CDH4: variants seen among roughly 807,000 people sequenced by gnomAD.
The protein encoded by CDH4 is cadherin-4.
CDH4 carries 33 observed loss-of-function variants against 86.0 expected under a neutral mutation model. That is an observed-to-expected ratio of 0.38 (90% confidence interval 0.29 to 0.51). The LOEUF (loss-of-function observed/expected upper bound fraction) is 0.51, where lower values mean the gene tolerates loss of function less well. Ranked by LOEUF, CDH4 falls within the 20% of genes least tolerant of loss-of-function variation. The pLI is 0.86. For synonymous variants in CDH4, 555 were observed against 549.4 expected (o/e 1.01, Z -0.14); for missense variants, 1,114 against 1,307.4 (o/e 0.85, Z 2.28).
chr20:61,578,377 T>C (rs1030538003), intron 2 of CDH4, among the ~76,000 whole-genome samples: 2 of 152,226 alleles, frequency 1.3e-5, no homozygotes, highest in African/African-American at 4.8e-5. Flanking sequence ...TACCATAGCA[T>C]TCTGTGATTT....
intron 3 of CDH4, among the ~76,000 whole-genome samples, chr20:61,762,035 G>C (rs1256162956): frequency 6.6e-6 from 1 of 152,256 alleles, no homozygotes; most frequent in Non-Finnish European, 1.5e-5. Context: ...CCAGCCTCAA[G>C]GCCACCCCAG....
chr20:61,631,902 A>T (rs1229130255), intron 2 of CDH4, among the ~76,000 whole-genome samples: 1 of 152,246 alleles, frequency 6.6e-6, no homozygotes. Flanking sequence ...GCAGACCACA[A>T]GACGGCGCCT....
At chr20:61,655,428 T>C (rs1466678479) in intron 2 of CDH4, among the ~76,000 whole-genome samples, 1 of 151,816 alleles carries the variant, frequency 6.6e-6, no homozygotes, top group Admixed American at 6.6e-5. Context: ...TTGCGGAGAG[T>C]GACAAGGCAA....
At chr20:61,627,080 G>T (rs1401626324) in intron 2 of CDH4, among the ~76,000 whole-genome samples, 1 of 152,144 alleles carries the variant, frequency 6.6e-6, no homozygotes, top group Non-Finnish European at 1.5e-5. Flanking sequence ...AGGAGGGTGG[G>T]TGGGTGCTGA....
intron 2 of CDH4, among the ~76,000 whole-genome samples, chr20:61,403,828 A>G (rs2085063982): frequency 6.6e-6 from 1 of 152,194 alleles, no homozygotes; most frequent in African/African-American, 2.4e-5. Context: ...GGAAATCAAC[A>G]TCTTTAACAT....
intron 2 of CDH4, among the ~76,000 whole-genome samples, chr20:61,727,921 C>T (rs2088134964): frequency 6.6e-6 from 1 of 152,234 alleles, no homozygotes; most frequent in Admixed American, 6.5e-5. Context: ...ATGACCACAC[C>T]ATGGCATTGC....
At chr20:61,531,398 G>C (rs1045492055) in intron 2 of CDH4, among the ~76,000 whole-genome samples, 5 of 150,822 alleles carry the variant, frequency 3.3e-5, no homozygotes, top group Admixed American at 6.6e-5. Flanking sequence ...ACTTGAACCT[G>C]GGAGGCAGAG....
chr20:61,869,189 C>G (rs74419053), intron 6 of CDH4, among the ~76,000 whole-genome samples: 7,111 of 152,276 alleles, frequency 0.047, 576 homozygotes, highest in African/African-American at 0.16. Context: ...AAGTTGGCAA[C>G]CCTATATTGA....
chr20:61,692,263 G>A (rs1414437537), intron 2 of CDH4, among the ~76,000 whole-genome samples: 2 of 151,666 alleles, frequency 1.3e-5, no homozygotes, highest in East Asian at 3.9e-4. Context: ...GTGTGTGTCT[G>A]TATGTGTGTC....
In CDH4 at chr20:61,703,929, T is replaced by TGAGCTG. The variant is rs1313523472; in HGVS notation, c.170-39629_170-39624dup. On this transcript the variant is annotated intron_variant, in intron 2 of 15. Transcript: ENST00000614565. This position sits in a 1 kb window ranked among gnomAD's most constrained non-coding sequence, Gnocchi z 4.3. ...AATTTTTCCAATAAAATGAAAAGGT[T>TGAGCTG]GAGCTGGAGCAGAGGCAGGGGTGTG... 2.0e-5 allele frequency among the ~76,000 whole-genome samples: 3 copies of TGAGCTG among 152,282 alleles called. No individual in the cohort carries two copies. The East Asian group carries it at 5.8e-4, about 29-fold the overall frequency.
intron 2 of CDH4, among the ~76,000 whole-genome samples, chr20:61,465,448 C>T (rs773119355): frequency 1.2e-4 from 18 of 151,882 alleles, no homozygotes; most frequent in Non-Finnish European, 2.5e-4. Context: ...ATGTATTTAC[C>T]CGTGATAGTC....
At chr20:61,296,631 CT>C (rs2084356626) in intron 2 of CDH4, among the ~76,000 whole-genome samples, 1 of 152,070 alleles carries the variant, frequency 6.6e-6, no homozygotes, top group Non-Finnish European at 1.5e-5. Flanking sequence ...AGAATAGGTA[CT>C]TTTTTTCCAT....
chr20:61,711,085 A>G lies in CDH4; in HGVS notation c.170-32478A>G, dbSNP rs550191976. Among the ~76,000 whole-genome samples, 99 of 152,304 alleles carry G rather than the reference A, an allele frequency of 6.5e-4. No individual in the cohort carries two copies. In the Middle Eastern group the frequency reaches 0.02, roughly 31 times the overall value. On this transcript the variant is annotated intron_variant, in intron 2 of 15. Transcript: ENST00000614565. ...AGAGAGACCAGGTGGAGGTAATTGG[A>G]TCATAGGGGCAGTTCCCCCACTACT...
chr20:61,803,194 C>CCA (rs10622442), intron 4 of CDH4, among the ~76,000 whole-genome samples: 25,198 of 151,990 alleles, frequency 0.17, 2,291 homozygotes, highest in East Asian at 0.24. Context: ...TGTGGACGGG[C>CCA]TGAGGTCTTC....
Position 61,536,798 on chromosome 20 carries a change from G to A in CDH4, c.170-206765G>A, listed in dbSNP as rs1014009902. Among the ~76,000 whole-genome samples the A allele has an allele frequency of 5.9e-5, 9 of 152,230 alleles. No individual in the cohort carries two copies. In the East Asian group the frequency reaches 1.2e-3, roughly 20 times the overall value. ...CTGGTGGGTATAGTTTGGGGATGCC[G>A]CTACACACCCCACAGTGACGAGAGG... On this transcript the variant is annotated intron_variant, in intron 2 of 15. Coordinates refer to ENST00000614565, the MANE Select transcript of CDH4 (RefSeq NM_001794.5).
At chr20:61,844,934 G>T (rs1982368035) in intron 5 of CDH4, 111 bp downstream of exon 5, 1 of 1,119,540 alleles carries the variant, frequency 8.9e-7, no homozygotes, top group Non-Finnish European at 1.2e-6. Flanking sequence ...TCTACAGGCA[G>T]CACTCCAACT....
At chr20:61,410,872 C>T (rs2085115325) in intron 2 of CDH4, among the ~76,000 whole-genome samples, 1 of 151,258 alleles carries the variant, frequency 6.6e-6, no homozygotes, top group African/African-American at 2.4e-5. Context: ...CATCTATCCT[C>T]TCACCTGTTA....
intron 2 of CDH4, among the ~76,000 whole-genome samples, chr20:61,610,258 C>T (rs2086674786): frequency 6.6e-6 from 1 of 152,208 alleles, no homozygotes. Flanking sequence ...TGGTGTTTGT[C>T]TTTCAGTGAT....
chr20:61,324,694 A>G (rs2084527538), intron 2 of CDH4, among the ~76,000 whole-genome samples: 2 of 152,180 alleles, frequency 1.3e-5, no homozygotes, highest in Admixed American at 1.3e-4. Context: ...TGACTTTTGC[A>G]AGCATGCTGC....
Sources: allele counts gnomAD v4.1 joint callset (sites outside exome capture counted in the v4.1 genomes callset), GRCh38; gene constraint gnomAD v4.1.1; non-coding constraint Gnocchi (gnomAD v3.1); transcripts MANE v1.5; gene names NCBI Gene and HGNC (gene_info 2026-07-23, HGNC 2026-07-21).